The following RYR1 variants were observed in gnomAD, a reference collection of about 807,000 sequenced individuals.
The protein encoded by RYR1 is ryanodine receptor 1.
In RYR1, 342 loss-of-function variants were observed where a neutral mutation model predicts 583.5. The observed-to-expected ratio is 0.59, with a 90% CI of 0.54 to 0.64. The LOEUF (loss-of-function observed/expected upper bound fraction) is 0.64. Among genes scored for constraint, RYR1 ranks in the 30% least tolerant of loss-of-function variants. The pLI is 0.00. For synonymous variants in RYR1, 2,791 were observed against 2,822.5 expected, an observed-to-expected ratio of 0.99 and a Z score of 0.35; for missense variants, 6,032 against 6,917.2, an observed-to-expected ratio of 0.87 and a Z score of 4.54.
At chr19:38,574,559 G>A (rs1386286000) in intron 96 of RYR1, among the ~76,000 whole-genome samples, 3 of 152,078 alleles carry the variant, frequency 2.0e-5, no homozygotes, top group East Asian at 3.9e-4. Context: ...GTGAGCCCAG[G>A]AGTTCTAGGC....
At chr19:38,525,296 G>T (rs748933946) in intron 70 of RYR1, 36 bp from the exon 71 acceptor site, 1 of 1,613,360 alleles carries the variant, frequency 6.2e-7, no homozygotes, top group Non-Finnish European at 8.5e-7. Context: ...CATGGGATTG[G>T]GGCTTGGGCT....
intron 82 of RYR1, among the ~76,000 whole-genome samples, chr19:38,536,467 G>A (rs796645703): frequency 5.3e-5 from 8 of 150,964 alleles, no homozygotes; most frequent in African/African-American, 1.7e-4. Context: ...CCGGATCCTC[G>A]CTCCTGCCTT....
intron 7 of RYR1, among the ~76,000 whole-genome samples, chr19:38,445,402 AT>A (rs1972892846): frequency 6.6e-6 from 1 of 151,610 alleles, no homozygotes; most frequent in South Asian, 2.1e-4. Context: ...AAAAACCAAA[AT>A]CCACCAAAGC....
chr19:38,528,710 G>A lies in RYR1; in HGVS notation c.11034+15G>A, dbSNP rs552725260. On this transcript the variant is annotated intron_variant, in intron 75 of 105. Transcript: ENST00000359596. ...ATGACCTTTCAGTGAGCTGGGACCC[G>A]CCTGGGGGAGTGGGGGGCGAGCTGG... 113 of 1,613,310 alleles carry A rather than the reference G, an allele frequency of 7.0e-5. 1 individual carries two copies. The Middle Eastern group carries it at 9.9e-4, about 14-fold the overall frequency.
chr19:38,537,427 C>T (rs1972022734), intron 83 of RYR1, among the ~76,000 whole-genome samples: 1 of 152,168 alleles, frequency 6.6e-6, no homozygotes, highest in African/African-American at 2.4e-5. Flanking sequence ...CTTTCAATCC[C>T]CATCCCTTAT....
At chr19:38,464,948 G>A (rs960487319) in intron 23 of RYR1, among the ~76,000 whole-genome samples, 1 of 152,062 alleles carries the variant, frequency 6.6e-6, no homozygotes, top group African/African-American at 2.4e-5. Context: ...TATGAGTCCA[G>A]GATCCAGGCT....
In RYR1 at chr19:38,512,509, G is replaced by A; in HGVS notation, c.9472+26G>A. ...GTAAGGGCGCCTGACCCAAGGGCAGGTTGCGGGGAGTCAGTGTGGCCAACA... is the reference window on the plus strand; with the variant it reads ...GTAAGGGCGCCTGACCCAAGGGCAGATTGCGGGGAGTCAGTGTGGCCAACA... On this transcript the variant is annotated intron_variant, in intron 63 of 105. Coordinates refer to ENST00000359596, the MANE Select transcript of RYR1 (RefSeq NM_000540.3). The surrounding 1 kb of genome is among the most constrained non-coding windows in gnomAD (Gnocchi z 5.1). 1 of 1,600,854 alleles carries A rather than the reference G, an allele frequency of 6.2e-7. No individual in the cohort carries two copies. The highest frequency in any genetic ancestry group is 8.5e-7 in the Non-Finnish European group (1 of 1,176,458).
chr19:38,492,972 G>C (rs1675032394), intron 38 of RYR1, among the ~76,000 whole-genome samples: 1 of 152,142 alleles, frequency 6.6e-6, no homozygotes, highest in South Asian at 2.1e-4. Context: ...TGGAGACTGA[G>C]GCACGAGAAT....
At chr19:38,568,037 C>T in intron 93 of RYR1, 120 bp downstream of exon 93, 2 of 1,232,322 alleles carry the variant, frequency 1.6e-6, no homozygotes, top group Non-Finnish European at 1.2e-6. Context: ...CTAAGAAGAA[C>T]CCTAGCTGGG....
rs373626870 is a variant in RYR1 at position 38,516,203 on chromosome 19, C to G, written c.9671C>G (p.Pro3224Arg). The G allele has an allele frequency of 1.3e-6, 2 of 1,583,350 alleles. No homozygotes were observed. Among genetic ancestry groups the G allele is most frequent in the African/African-American group, 2.7e-5 (2 of 74,326 alleles). ...TGCTCCGTGTACACCACCAAGTCTC[C>G]GCGGGAGCGGGCCAGTAAGCTGTGT... ...NACSVYTTKSPRERAILGLPN... is the reference protein window; with the variant it reads ...NACSVYTTKSRRERAILGLPN... Residue 3224 changes from proline to arginine, a missense_variant, in exon 65 of 106, where the codon CCG becomes CGG. Around this residue, in one of 11 missense-constraint regions of RYR1, gnomAD observed 1,493 missense variants for 1,715.5 expected, o/e 0.87. Transcript: ENST00000359596.
rs1166872848 is a variant in RYR1 at position 38,543,430 on chromosome 19, C to T, written c.11773C>T (p.Leu3925=). 3 of 1,614,242 alleles carry T rather than the reference C, an allele frequency of 1.9e-6. No homozygotes were observed. The highest frequency in any genetic ancestry group is 1.7e-6 in the Non-Finnish European group (2 of 1,180,038). Residue 3925 remains leucine (L), a synonymous_variant, in exon 85 of 106, where the codon CTG becomes TTG. Coordinates refer to ENST00000359596, the MANE Select transcript of RYR1 (RefSeq NM_000540.3). This position sits in a 1 kb window ranked among gnomAD's most constrained non-coding sequence, Gnocchi z 4.4. The part of the protein sequence containing the change: ...IICTVDYLLR[L]QESISDFYWY... ...TTGCACTGTGGACTACCTCCTGCGG[C>T]TGCAGGTGAGGACGTGAGACGGTTC...
rs759373447 is a variant in RYR1 at position 38,500,064 on chromosome 19, C to T, written c.7323+48C>T. ...GATGGGAAGGGAGGGCAGGCACAGC[C>T]GCTTTGAACGCCTCATGCAGGCACT... On this transcript the variant is annotated intron_variant, in intron 45 of 105. Transcript: ENST00000359596. This position sits in a 1 kb window ranked among gnomAD's most constrained non-coding sequence, Gnocchi z 5.9. 1.3e-4 allele frequency: 202 copies of T among 1,528,436 alleles called. No individual in the cohort carries two copies. Among genetic ancestry groups the T allele is most frequent in the Non-Finnish European group, 1.7e-4 (189 of 1,105,084 alleles). 94.7% of individuals were successfully genotyped at this position (1,528,436 alleles called of 1,614,324 possible). A position where few individuals can be genotyped will look rare whatever the true frequency, so the allele number is the denominator to read the frequency against.
At chr19:38,525,641 T>A (rs1971435728) in intron 71 of RYR1, 139 bp downstream of exon 71, 1 of 951,192 alleles carries the variant, frequency 1.1e-6, no homozygotes, top group Non-Finnish European at 1.6e-6. Context: ...CCCACTGAGT[T>A]CTTTTCCGGG....
intron 30 of RYR1, 62 bp from the exon 31 acceptor site, chr19:38,478,373 G>A: frequency 6.3e-7 from 1 of 1,580,244 alleles, no homozygotes; most frequent in Non-Finnish European, 8.6e-7. Flanking sequence ...TTGGGGAAGG[G>A]GGTGTCCAGG....
At position 38,517,659 on chromosome 19, in the gene RYR1, T is replaced by C; in HGVS notation, c.9986T>C (p.Ile3329Thr). The change falls in exon 66 of 106, where the codon ATT (isoleucine) becomes ACT (threonine). Residue 3329 changes from isoleucine to threonine, a missense_variant. This residue lies in a region of RYR1 where 1,493 missense variants were observed against 1,715.5 expected (regional missense o/e 0.87). Transcript: ENST00000359596. ...ILRIIVNNLG[I>T]DEASWMKRLA... Reference sequence around the variant, plus strand: ...AGAATCATCGTCAACAACCTGGGCATTGACGAGGCCTCCTGGATGAAGCGG... The same window carrying C: ...AGAATCATCGTCAACAACCTGGGCACTGACGAGGCCTCCTGGATGAAGCGG... 6.2e-7 allele frequency: 1 copy of C among 1,614,132 alleles called. No individual in the cohort carries two copies. The highest frequency in any genetic ancestry group is 8.5e-7 in the Non-Finnish European group (1 of 1,180,006).
chr19:38,507,827 G>A lies in RYR1; in HGVS notation c.8932G>A (p.Glu2978Lys). The A allele has an allele frequency of 6.2e-7, 1 of 1,603,830 alleles. No homozygotes were observed. The highest frequency in any genetic ancestry group is 8.5e-7 in the Non-Finnish European group (1 of 1,172,878). Residue 2978 changes from glutamate (E) to lysine (K), a missense_variant and splice_region_variant, in exon 58 of 106, where the codon GAG becomes AAG. Glu to Lys is a moderately conservative substitution (Grantham distance 56). This residue lies in a region of RYR1 where 1,493 missense variants were observed against 1,715.5 expected (regional missense o/e 0.87). Coordinates refer to ENST00000359596, the MANE Select transcript of RYR1 (RefSeq NM_000540.3). Reference protein sequence around the residue: ...DISQEFIAHLEAVVSSGRVEK... With the variant: ...DISQEFIAHLKAVVSSGRVEK... The stretch of plus-strand genomic sequence containing the variant: ...TTCTCAGGAGTTCATTGCCCACCTG[G>A]GTACGGAGAAATACCCCCCGCTTAT...
intron 101 of RYR1, among the ~76,000 whole-genome samples, chr19:38,581,040 A>G (rs1974181006): frequency 6.6e-6 from 1 of 151,868 alleles, no homozygotes. Flanking sequence ...CTGGGACTAC[A>G]GGCGCATGCC....
rs115621749 is a variant in RYR1, at chr19:38,472,653, G to A, written c.3766-724G>A. Reference sequence around the variant, plus strand: ...AGCACTTTGGGAGACTGAGGCAGGCGGATCACATGAACTCAGGAGATTGAG... The same window carrying A: ...AGCACTTTGGGAGACTGAGGCAGGCAGATCACATGAACTCAGGAGATTGAG... On this transcript the variant is annotated intron_variant, in intron 27 of 105. Transcript: ENST00000359596. Among the ~76,000 whole-genome samples, 1,511 of 151,584 alleles carry A rather than the reference G, an allele frequency of 1.0e-2. 29 individuals are homozygous for A. Among genetic ancestry groups the A allele is most frequent in the African/African-American group, 0.033 (1,377 of 41,338 alleles).
At chr19:38,501,863 G>A (rs532794038) in intron 47 of RYR1, among the ~76,000 whole-genome samples, 1 of 152,292 alleles carries the variant, frequency 6.6e-6, no homozygotes, top group East Asian at 1.9e-4. Context: ...CTGCACACCT[G>A]TAGTCCCCTC....
Sources: allele counts gnomAD v4.1 joint callset (sites outside exome capture counted in the v4.1 genomes callset), GRCh38; gene constraint gnomAD v4.1.1; regional missense constraint gnomAD v4.1.1; non-coding constraint Gnocchi (gnomAD v3.1); transcripts MANE v1.5; gene names NCBI Gene and HGNC (gene_info 2026-07-23, HGNC 2026-07-21).